The following HOGA1 variants were observed in gnomAD, a reference collection of about 807,000 sequenced individuals.
HOGA1 encodes 4-hydroxy-2-oxoglutarate aldolase 1.
HOGA1 carries 30 observed loss-of-function variants against 34.3 expected under a neutral mutation model. The ratio of observed to expected loss-of-function variants is 0.87; its 90% CI spans 0.65 to 1.19. The LOEUF is 1.19. HOGA1 is among the 50% of genes most tolerant of loss of function. HOGA1 has a pLI of 0.00. For synonymous variants in HOGA1, 161 were observed against 174.0 expected (o/e 0.93, Z 0.59); for missense variants, 417 against 436.5 (o/e 0.96, Z 0.40).
At chr10:97,588,034 A>T (rs1427285450) in intron 1 of HOGA1, among the ~76,000 whole-genome samples, 2 of 148,732 alleles carry the variant, frequency 1.3e-5, no homozygotes, top group African/African-American at 5.0e-5. Flanking sequence ...CTGATCTCGA[A>T]TTCCTGAGCT....
chr10:97,595,901 G>A (rs111592676), intron 1 of HOGA1, among the ~76,000 whole-genome samples: 7 of 152,252 alleles, frequency 4.6e-5, no homozygotes, highest in African/African-American at 1.7e-4. Context: ...CACTAACAGG[G>A]ACACATCAGG....
chr10:97,588,269 C>T (rs2040987846), intron 1 of HOGA1, among the ~76,000 whole-genome samples: 1 of 144,390 alleles, frequency 6.9e-6, no homozygotes, highest in African/African-American at 2.6e-5. Context: ...ACGATCTCGG[C>T]TTACTGCAAG....
In HOGA1 at chr10:97,599,151, G is replaced by T. The variant is rs768369639; in HGVS notation, c.403G>T (p.Val135Leu). Reference sequence around the variant, plus strand: ...CCAGGTCGGGGCTGACGCGGCCATGGTGGTGACCCCTTGCTACTATCGTGG... The same window carrying T: ...CCAGGTCGGGGCTGACGCGGCCATGTTGGTGACCCCTTGCTACTATCGTGG... The part of the protein sequence containing the change: ...MAQVGADAAM[V>L]VTPCYYRGRM... The change falls in exon 3 of 7, where the codon GTG becomes TTG. Residue 135 changes from valine (V) to leucine (L), a missense_variant. Coordinates refer to ENST00000370646, the MANE Select transcript of HOGA1 (RefSeq NM_138413.4). The T allele has an allele frequency of 1.2e-6, 2 of 1,613,796 alleles. No homozygotes were observed. Among genetic ancestry groups the T allele is most frequent in the East Asian group, 2.2e-5 (1 of 44,886 alleles).
chr10:97,597,915 A>T (rs2041083825), intron 1 of HOGA1, among the ~76,000 whole-genome samples: 1 of 152,120 alleles, frequency 6.6e-6, no homozygotes, highest in Admixed American at 6.5e-5. Context: ...GTGACACTGC[A>T]CTCCAGCCTG....
rs115839271 is a variant in HOGA1 at position 97,611,194 on chromosome 10, C to T, written c.835-316C>T. 5.1e-3 allele frequency among the ~76,000 whole-genome samples: 784 copies of T among 152,340 alleles called. 10 individuals are homozygous for T. The highest frequency in any genetic ancestry group is 0.018 in the African/African-American group (752 of 41,580). ...GCTGATGCTCTAGTGCCTAGACCTG[C>T]AGCCTTGCTGTCTTCTCCCACCCCA... On this transcript the variant is annotated intron_variant, in intron 6 of 6. Coordinates refer to ENST00000370646, the MANE Select transcript of HOGA1 (RefSeq NM_138413.4).
At chr10:97,585,006 T>C (rs1564753788) in intron 1 of HOGA1, 92 bp downstream of exon 1, 2 of 1,057,048 alleles carry the variant, frequency 1.9e-6, no homozygotes, top group East Asian at 5.0e-5. Context: ...TGTCAAGCTG[T>C]CCAGGGATAG....
At chr10:97,607,145 G>A (rs893128106) in intron 6 of HOGA1, among the ~76,000 whole-genome samples, 1 of 148,618 alleles carries the variant, frequency 6.7e-6, no homozygotes, top group African/African-American at 2.5e-5. Context: ...ACTAGGATCT[G>A]TACTAGGCAT....
intron 6 of HOGA1, among the ~76,000 whole-genome samples, chr10:97,605,021 C>T (rs1270009844): frequency 6.6e-6 from 1 of 151,792 alleles, no homozygotes; most frequent in African/African-American, 2.4e-5. Flanking sequence ...CATTCATGAA[C>T]AGGTTTTCGT....
Position 97,611,500 on chromosome 10 carries a change from T to C in HOGA1, c.835-10T>C. On this transcript the variant is annotated splice_polypyrimidine_tract_variant and intron_variant, in intron 6 of 6. Transcript: ENST00000370646. Reference sequence around the variant, plus strand: ...TTTCTCAGTCTCTTCTAACAGGCCCTGCTTTGCAGGTGACCCGGCGCTTTG... The same window carrying C: ...TTTCTCAGTCTCTTCTAACAGGCCCCGCTTTGCAGGTGACCCGGCGCTTTG... The C allele has an allele frequency of 6.2e-7, 1 of 1,614,232 alleles. No individual in the cohort carries two copies. The highest frequency in any genetic ancestry group is 8.5e-7 in the Non-Finnish European group (1 of 1,180,030).
chr10:97,592,440 C>A (rs988170114), intron 1 of HOGA1, among the ~76,000 whole-genome samples: 4 of 151,826 alleles, frequency 2.6e-5, no homozygotes, highest in Admixed American at 2.6e-4. Context: ...CGGGGTTTCA[C>A]TGTGTTAGCC....
chr10:97,585,005 G>A, intron 1 of HOGA1, 91 bp downstream of exon 1: 1 of 1,060,680 alleles, frequency 9.4e-7, no homozygotes, highest in Admixed American at 1.9e-5. Flanking sequence ...CTGTCAAGCT[G>A]TCCAGGGATA....
intron 6 of HOGA1, among the ~76,000 whole-genome samples, chr10:97,604,547 C>T (rs775334069): frequency 1.3e-5 from 2 of 152,066 alleles, no homozygotes; most frequent in Non-Finnish European, 1.5e-5. Flanking sequence ...TGGTCTCAAA[C>T]TCCTGGTCTC....
intron 6 of HOGA1, among the ~76,000 whole-genome samples, chr10:97,604,508 G>C (rs1032968578): frequency 2.0e-5 from 3 of 152,004 alleles, no homozygotes; most frequent in Non-Finnish European, 4.4e-5. Context: ...ATTTTTAGTA[G>C]AGACAAGGTC....
intron 1 of HOGA1, among the ~76,000 whole-genome samples, chr10:97,585,516 G>GA (rs1370317406): frequency 6.6e-6 from 1 of 152,166 alleles, no homozygotes; most frequent in Non-Finnish European, 1.5e-5. Context: ...GAAGGTAGAA[G>GA]AAAATGTCAA....
chr10:97,591,817 TTGTGTGTGTGTGTGTGTGTGTG>T (rs56742680), intron 1 of HOGA1, among the ~76,000 whole-genome samples: 1 of 111,056 alleles, frequency 9.0e-6, no homozygotes, highest in African/African-American at 3.6e-5. Context: ...TTCTTTCATT[TTGTGTGTGTGTGTGTGTGTGTG>T]TGTGTGTGTG....
intron 1 of HOGA1, among the ~76,000 whole-genome samples, chr10:97,594,260 C>T (rs1463031918): frequency 1.3e-5 from 2 of 151,070 alleles, no homozygotes; most frequent in African/African-American, 4.9e-5. Flanking sequence ...ACTGCAACCT[C>T]CACCTCCCAG....
rs764140945 is a variant in HOGA1 at position 97,590,610 on chromosome 10, C to T, written c.211+5696C>T. On this transcript the variant is annotated intron_variant, in intron 1 of 6. Transcript: ENST00000370646. The stretch of plus-strand genomic sequence containing the variant: ...GAAGCCACCTAACCATGGATGGAGA[C>T]GCCCCTGCCCCCAGCAAGGCTGGCT... 4.4e-5 allele frequency: 70 copies of T among 1,579,114 alleles called. No homozygotes were observed. The Middle Eastern group carries it at 1.2e-3, about 26-fold the overall frequency.
intron 6 of HOGA1, among the ~76,000 whole-genome samples, chr10:97,605,933 A>C (rs1178611063): frequency 6.6e-6 from 1 of 152,038 alleles, no homozygotes; most frequent in Non-Finnish European, 1.5e-5. Context: ...CATTTTGATG[A>C]AGTACAATTT....
At chr10:97,608,737 C>T (rs2041175170) in intron 6 of HOGA1, among the ~76,000 whole-genome samples, 4 of 151,224 alleles carry the variant, frequency 2.6e-5, no homozygotes, top group East Asian at 2.0e-4. Flanking sequence ...ACTCAGGAGG[C>T]GGAAGTTGCA....
Sources: allele counts gnomAD v4.1 joint callset (sites outside exome capture counted in the v4.1 genomes callset), GRCh38; gene constraint gnomAD v4.1.1; transcripts MANE v1.5; gene names NCBI Gene and HGNC (gene_info 2026-07-23, HGNC 2026-07-21).